The following IRAK1BP1 variants were observed in gnomAD, a reference collection of about 807,000 sequenced individuals.
The protein encoded by IRAK1BP1 is interleukin-1 receptor-associated kinase 1-binding protein 1.
A neutral mutation model predicts 28.0 loss-of-function variants in IRAK1BP1; 24 were observed. The ratio of observed to expected loss-of-function variants is 0.86; its 90% CI spans 0.62 to 1.20. The LOEUF (loss-of-function observed/expected upper bound fraction) is 1.20, where lower values mean the gene tolerates loss of function less well. Ranked by LOEUF, IRAK1BP1 falls within the 50% of genes most tolerant of loss-of-function variation. IRAK1BP1 has a pLI of 0.00. For synonymous variants in IRAK1BP1, 131 were observed against 116.3 expected, an observed-to-expected ratio of 1.13 and a Z score of -0.81; for missense variants, 336 against 316.7, an observed-to-expected ratio of 1.06 and a Z score of -0.46.
Position 78,899,268 on chromosome 6 carries a change from G to C in IRAK1BP1, c.*934G>C, listed in dbSNP as rs373592581. 6.6e-6 allele frequency: 1 copy of C among 152,128 alleles called. No individual in the cohort carries two copies. The highest frequency in any genetic ancestry group is 1.9e-4 in the East Asian group (1 of 5,196). The allele number at this position is 152,128 out of a possible 1,614,324, so 9.4% of individuals were successfully genotyped here. The stretch of plus-strand genomic sequence containing the variant: ...AGGTCTTTCATGCTTGCCACACCCA[G>C]CAATATGTTTAGGAAGGTGAAGTCT... On this transcript the variant is annotated 3_prime_UTR_variant, in exon 4 of 4. Transcript: ENST00000369940.
downstream of IRAK1BP1, among the ~76,000 whole-genome samples, chr6:78,948,350 AAT>A (rs1207541761): frequency 6.6e-6 from 1 of 152,182 alleles, no homozygotes; most frequent in African/African-American, 2.4e-5. Context: ...CTACCTAGTC[AAT>A]AGAGTATAAA....
chr6:78,955,340 A>G, the IRAK1BP1 span: 1 of 1,220,908 alleles, frequency 8.2e-7, no homozygotes, highest in Non-Finnish European at 1.2e-6. Flanking sequence ...TATACTTTAT[A>G]GTTGATTAAC....
At chr6:78,923,109 A>C (rs1031814393) in intron 4 of IRAK1BP1, among the ~76,000 whole-genome samples, 3 of 152,224 alleles carry the variant, frequency 2.0e-5, no homozygotes, top group Non-Finnish European at 2.9e-5. Context: ...AAATGCTCCA[A>C]TTAAAAGGCA....
chr6:78,893,174 A>G (rs963017507), intron 2 of IRAK1BP1, among the ~76,000 whole-genome samples: 7 of 151,878 alleles, frequency 4.6e-5, no homozygotes, highest in African/African-American at 1.7e-4. Context: ...GAAAAAAGAC[A>G]TATTATCTAC....
At chr6:78,906,952 T>C (rs536906763), downstream of IRAK1BP1, among the ~76,000 whole-genome samples, 1 of 152,262 alleles carries the variant, frequency 6.6e-6, no homozygotes, top group East Asian at 1.9e-4. Flanking sequence ...TTTTCAAGGA[T>C]GAAAGAAATA....
chr6:78,897,491 G>T (rs1159844259), intron 2 of IRAK1BP1, among the ~76,000 whole-genome samples: 1 of 152,074 alleles, frequency 6.6e-6, no homozygotes, highest in Non-Finnish European at 1.5e-5. Flanking sequence ...GAAGCTAAGG[G>T]CATTGATTAG....
chr6:78,957,536 C>A, the IRAK1BP1 span: 1 of 143,790 alleles, frequency 7.0e-6, no homozygotes, highest in Non-Finnish European at 1.5e-5. Flanking sequence ...AAAAGGAGCT[C>A]AAAGATTATG....
intron 2 of IRAK1BP1, among the ~76,000 whole-genome samples, chr6:78,893,471 A>G (rs2127651889): frequency 1.3e-5 from 2 of 151,964 alleles, no homozygotes; most frequent in East Asian, 3.9e-4. Context: ...TGAGAAATTT[A>G]AATGACATCA....
At chr6:78,942,076 A>G (rs539103666) in intron 4 of IRAK1BP1, among the ~76,000 whole-genome samples, 29 of 152,298 alleles carry the variant, frequency 1.9e-4, no homozygotes, top group Non-Finnish European at 3.7e-4. Flanking sequence ...ATGGTAGGTG[A>G]TTTGCAATGC....
At chr6:78,931,581 CTT>C (rs925435815) in intron 4 of IRAK1BP1, among the ~76,000 whole-genome samples, 1 of 152,088 alleles carries the variant, frequency 6.6e-6, no homozygotes, top group Non-Finnish European at 1.5e-5. Flanking sequence ...GTCACACAAA[CTT>C]TTTGTTTCCT....
chr6:78,946,396 T>A, exon 5 of IRAK1BP1: 1 of 1,394,586 alleles, frequency 7.2e-7, no homozygotes, highest in Non-Finnish European at 9.4e-7. Context: ...GGATTTCATA[T>A]GATTGTGAGC....
chr6:78,908,077 G>A (rs369913810), downstream of IRAK1BP1, among the ~76,000 whole-genome samples: 8 of 150,220 alleles, frequency 5.3e-5, no homozygotes, highest in East Asian at 1.4e-3. Context: ...TTGAGACAGA[G>A]TCTCACTCTG....
the IRAK1BP1 span, among the ~76,000 whole-genome samples, chr6:78,964,860 T>C: frequency 1.3e-5 from 2 of 152,232 alleles, no homozygotes; most frequent in Non-Finnish European, 2.9e-5. Context: ...GTCTTTATAA[T>C]GCTACTCTAT....
At chr6:78,927,858 G>T (rs1397285769) in intron 4 of IRAK1BP1, among the ~76,000 whole-genome samples, 1 of 151,942 alleles carries the variant, frequency 6.6e-6, no homozygotes, top group Non-Finnish European at 1.5e-5. Flanking sequence ...GTGTGGATTT[G>T]TTTCTGGGTT....
chr6:78,938,855 C>T (rs1477025200), intron 4 of IRAK1BP1: 1 of 151,562 alleles, frequency 6.6e-6, no homozygotes, highest in Non-Finnish European at 1.5e-5. Flanking sequence ...AAATGTATCA[C>T]TTTTTCATTC....
At chr6:78,925,162 C>A (rs1456528789) in intron 4 of IRAK1BP1, among the ~76,000 whole-genome samples, 1 of 151,726 alleles carries the variant, frequency 6.6e-6, no homozygotes, top group Non-Finnish European at 1.5e-5. Context: ...CACACCGGGG[C>A]CTGTTTTGGG....
Position 78,890,283 on chromosome 6 carries a change from TA to T in IRAK1BP1, c.381+4841del, listed in dbSNP as rs1417079698. Reference sequence around the variant, plus strand: ...CAGGGCCTGTCAGGGGGTGGGGGGCTAGGGGAGGGATAGCATTAGGAGAAAT... The same window carrying T: ...CAGGGCCTGTCAGGGGGTGGGGGGCTGGGGAGGGATAGCATTAGGAGAAAT... On this transcript the variant is annotated intron_variant, in intron 2 of 3. Coordinates refer to ENST00000369940, the MANE Select transcript of IRAK1BP1 (RefSeq NM_001010844.4). Among the ~76,000 whole-genome samples the T allele has an allele frequency of 2.8e-5, 4 of 143,124 alleles. No individual in the cohort carries two copies. In the East Asian group the frequency reaches 8.1e-4, roughly 29 times the overall value. 93.9% of individuals were successfully genotyped at this position (143,124 alleles called of 152,430 possible). A position where few individuals can be genotyped will look rare whatever the true frequency, so the allele number is the denominator to read the frequency against.
downstream of IRAK1BP1, among the ~76,000 whole-genome samples, chr6:78,906,760 T>A (rs1772271658): frequency 6.6e-6 from 1 of 152,202 alleles, no homozygotes; most frequent in Non-Finnish European, 1.5e-5. Context: ...TACCAGTGTT[T>A]TAGGGGATTT....
chr6:78,938,735 A>T (rs919690288), intron 4 of IRAK1BP1: 3 of 151,672 alleles, frequency 2.0e-5, no homozygotes, highest in African/African-American at 7.2e-5. Flanking sequence ...ATTTGAAATT[A>T]TTTTTCAACT....
Sources: allele counts gnomAD v4.1 joint callset (sites outside exome capture counted in the v4.1 genomes callset), GRCh38; gene constraint gnomAD v4.1.1; transcripts MANE v1.5; gene names NCBI Gene and HGNC (gene_info 2026-07-23, HGNC 2026-07-21).